The following CIDEC variants were observed in gnomAD, a reference collection of about 807,000 sequenced individuals.
CIDEC encodes the protein lipid transferase CIDEC.
In CIDEC, 11 loss-of-function variants were observed where a neutral mutation model predicts 21.9. The observed-to-expected ratio is 0.50, with a 90% CI of 0.32 to 0.83. CIDEC has a LOEUF of 0.83. CIDEC is among the 40% of genes least tolerant of loss of function. The probability of loss-of-function intolerance (pLI) is 0.04; values close to 1 mark genes in which losing one functional copy is unlikely to be tolerated. For missense variants in CIDEC, 302 were observed against 302.3 expected, an observed-to-expected ratio of 1.00 and a Z score of 0.01; for synonymous variants, 127 against 124.9, an observed-to-expected ratio of 1.02 and a Z score of -0.11.
chr3:9,867,110 G>GT lies in CIDEC; in HGVS notation c.*23_*24insA. The GT allele has an allele frequency of 6.2e-7, 1 of 1,612,284 alleles. No homozygotes were observed. ...GGCCCCCAGTCAGTCCTTCACTGGG[G>GT]AAAGCTTCCAAGGACTTGGGCTTTC... On this transcript the variant is annotated 3_prime_UTR_variant, in exon 7 of 7. Coordinates refer to ENST00000336832, the MANE Select transcript of CIDEC (RefSeq NM_001321142.2).
At chr3:9,876,304 T>C (rs935568009) in intron 4 of CIDEC, among the ~76,000 whole-genome samples, 1 of 151,948 alleles carries the variant, frequency 6.6e-6, no homozygotes, top group Admixed American at 6.6e-5. Context: ...CAAAACCCCA[T>C]CTTTACTAAA....
In CIDEC at chr3:9,869,914, A is replaced by G; in HGVS notation, c.522T>C (p.Asp174=). The part of the protein sequence containing the change: ...TFYDTYSLSY[D]LHCCGAKRIM... ...TGCGCTTGGCCCCACAGCAGTGCAGATCATAGGAAAGGGAGTATGTATCAT... is the reference window on the plus strand; with the variant it reads ...TGCGCTTGGCCCCACAGCAGTGCAGGTCATAGGAAAGGGAGTATGTATCAT... The change falls in exon 6 of 7, where the codon GAT becomes GAC. Residue 174 remains aspartate (D), a synonymous_variant. Coordinates refer to ENST00000336832, the MANE Select transcript of CIDEC (RefSeq NM_001321142.2). The G allele has an allele frequency of 6.2e-7, 1 of 1,613,694 alleles. No homozygotes were observed. Among genetic ancestry groups the G allele is most frequent in the Non-Finnish European group, 8.5e-7 (1 of 1,180,006 alleles).
At position 9,867,280 on chromosome 3, in the gene CIDEC, C is replaced by A. The variant is rs769147736; in HGVS notation, c.571G>T (p.Ala191Ser). 5 of 1,614,164 alleles carry A rather than the reference C, an allele frequency of 3.1e-6. No homozygotes were observed. The highest frequency in any genetic ancestry group is 1.1e-5 in the South Asian group (1 of 91,090). ...CCTGTGGCCTGCATGCTGAAGAGGG[C>A]CCAGCGGAAAGCTTCCCTGGGTGGA... ...KRIMKEAFRW[A>S]LFSMQATGHV... is the part of the protein sequence containing the mutation. Residue 191 changes from alanine to serine, a missense_variant, in exon 7 of 7, where the codon GCC (alanine) becomes TCC (serine). Coordinates refer to ENST00000336832, the MANE Select transcript of CIDEC (RefSeq NM_001321142.2).
chr3:9,878,884 T>G, intron 2 of CIDEC, 58 bp downstream of exon 2: 3 of 1,432,658 alleles, frequency 2.1e-6, no homozygotes, highest in Non-Finnish European at 2.9e-6. Flanking sequence ...CAGAGTCCAC[T>G]TTACGCTGGC....
chr3:9,879,610 C>T (rs927393559), intron 1 of CIDEC, among the ~76,000 whole-genome samples: 2 of 152,172 alleles, frequency 1.3e-5, no homozygotes, highest in Non-Finnish European at 2.9e-5. Context: ...CACTTTTTCT[C>T]CTAAACCTCT....
chr3:9,870,504 T>C, intron 4 of CIDEC, 182 bp from the exon 5 acceptor site: 3 of 1,500,506 alleles, frequency 2.0e-6, no homozygotes, highest in Non-Finnish European at 2.7e-6. Flanking sequence ...TAAAATATAA[T>C]GTAAGTCACA....
At chr3:9,872,461 C>T (rs1382148176) in intron 4 of CIDEC, among the ~76,000 whole-genome samples, 1 of 152,150 alleles carries the variant, frequency 6.6e-6, no homozygotes, top group African/African-American at 2.4e-5. Flanking sequence ...AGGCATGAGC[C>T]AATACGCTTG....
Position 9,869,995 on chromosome 3 carries a change from C to T in CIDEC, c.441G>A (p.Leu147=), listed in dbSNP as rs752989456. Residue 147 remains leucine (L), a synonymous_variant, in exon 6 of 7, where the codon CTG becomes CTA. Coordinates refer to ENST00000336832, the MANE Select transcript of CIDEC (RefSeq NM_001321142.2). The part of the protein sequence containing the change: ...KIDVARVTFD[L]YKLNPQDFIG... Reference sequence around the variant, plus strand: ...TGAAGTCCTGTGGGTTCAGCTTGTACAGATCAAACGTTACACGGGCCACAT... The same window carrying T: ...TGAAGTCCTGTGGGTTCAGCTTGTATAGATCAAACGTTACACGGGCCACAT... 4.3e-6 allele frequency: 7 copies of T among 1,614,206 alleles called. No individual in the cohort carries two copies. Among genetic ancestry groups the T allele is most frequent in the Non-Finnish European group, 5.1e-6 (6 of 1,180,036 alleles).
intron 4 of CIDEC, among the ~76,000 whole-genome samples, chr3:9,876,644 C>T (rs2082426010): frequency 6.6e-6 from 1 of 151,312 alleles, no homozygotes; most frequent in African/African-American, 2.4e-5. Context: ...GTAGTCCCAG[C>T]TACTCAGGAG....
chr3:9,869,925 G>A lies in CIDEC; in HGVS notation c.511C>T (p.Leu171Phe). 1 of 1,613,846 alleles carries A rather than the reference G, an allele frequency of 6.2e-7. No homozygotes were observed. The highest frequency in any genetic ancestry group is 8.5e-7 in the Non-Finnish European group (1 of 1,180,002). ...VKATFYDTYS[L>F]SYDLHCCGAK... ...CCACAGCAGTGCAGATCATAGGAAA[G>A]GGAGTATGTATCATAAAAAGTCGCC... Residue 171 changes from leucine (L) to phenylalanine (F), a missense_variant, in exon 6 of 7, where the codon CTT (leucine) becomes TTT (phenylalanine). Physicochemically the swap from Leu to Phe is conservative, Grantham distance 22 (BLOSUM62 0). Coordinates refer to ENST00000336832, the MANE Select transcript of CIDEC (RefSeq NM_001321142.2).
intron 6 of CIDEC, among the ~76,000 whole-genome samples, chr3:9,867,757 G>A (rs1423785859): frequency 3.3e-5 from 5 of 152,070 alleles, no homozygotes; most frequent in African/African-American, 4.8e-5. Context: ...GCGAAACCCC[G>A]TCTCTACTAA....
intron 4 of CIDEC, among the ~76,000 whole-genome samples, chr3:9,875,678 T>A (rs2082413174): frequency 6.6e-6 from 1 of 152,192 alleles, no homozygotes; most frequent in Non-Finnish European, 1.5e-5. Context: ...TGGCTATCCT[T>A]GTTTGTAGAA....
At chr3:9,868,552 A>G (rs1335132053) in intron 6 of CIDEC, among the ~76,000 whole-genome samples, 2 of 152,246 alleles carry the variant, frequency 1.3e-5, no homozygotes, top group Non-Finnish European at 1.5e-5. Context: ...CTGAAATAGC[A>G]TAAAGCAATT....
chr3:9,874,455 G>T (rs2082392235), intron 4 of CIDEC, among the ~76,000 whole-genome samples: 1 of 151,816 alleles, frequency 6.6e-6, no homozygotes, highest in Non-Finnish European at 1.5e-5. Flanking sequence ...GTTTGAGGCT[G>T]CAGTGAGCCA....
intron 4 of CIDEC, among the ~76,000 whole-genome samples, chr3:9,875,700 C>T (rs1371550828): frequency 2.6e-5 from 4 of 152,150 alleles, no homozygotes; most frequent in Non-Finnish European, 2.9e-5. Context: ...GGAGAATATC[C>T]TTGTTTGTAG....
chr3:9,873,922 G>A (rs867328665), intron 4 of CIDEC, among the ~76,000 whole-genome samples: 9 of 152,094 alleles, frequency 5.9e-5, no homozygotes, highest in Admixed American at 1.3e-4. Context: ...AAGGGCCTGG[G>A]ATCAGCAACA....
intron 4 of CIDEC, among the ~76,000 whole-genome samples, chr3:9,871,257 C>T (rs1167802739): frequency 2.7e-5 from 4 of 149,504 alleles, no homozygotes; most frequent in Non-Finnish European, 5.9e-5. Context: ...CAGCTCACTG[C>T]AGCCTCAACC....
intron 4 of CIDEC, among the ~76,000 whole-genome samples, chr3:9,875,371 T>A: frequency 8.9e-6 from 1 of 112,356 alleles, no homozygotes; most frequent in African/African-American, 3.2e-5. Context: ...AGCGAGACTC[T>A]GTCTCAAAAA....
Position 9,867,217 on chromosome 3 carries a change from G to A in CIDEC, c.634C>T (p.Leu212Phe). 1 of 1,614,094 alleles carries A rather than the reference G, an allele frequency of 6.2e-7. No individual in the cohort carries two copies. Among genetic ancestry groups the A allele is most frequent in the Non-Finnish European group, 8.5e-7 (1 of 1,179,960 alleles). The change falls in exon 7 of 7, where the codon CTC becomes TTC. Residue 212 changes from leucine to phenylalanine, a missense_variant. Transcript: ENST00000336832. Reference sequence around the variant, plus strand: ...TGCCCTTCCTCCGTAGCATCGAGGAGCTGCTGCAGGTAACAGGAGGTGCCA... The same window carrying A: ...TGCCCTTCCTCCGTAGCATCGAGGAACTGCTGCAGGTAACAGGAGGTGCCA... ...LLGTSCYLQQLLDATEEGQPP... is the reference protein window; with the variant it reads ...LLGTSCYLQQFLDATEEGQPP...
Sources: allele counts gnomAD v4.1 joint callset (sites outside exome capture counted in the v4.1 genomes callset), GRCh38; gene constraint gnomAD v4.1.1; transcripts MANE v1.5; gene names NCBI Gene and HGNC (gene_info 2026-07-23, HGNC 2026-07-21).